Variants in ALDH1A2 observed in about 807,000 individuals in gnomAD.
The protein encoded by ALDH1A2 is aldehyde dehydrogenase 1 family member A2, also known as retinal dehydrogenase 2.
In ALDH1A2, 27 loss-of-function variants were observed where a neutral mutation model predicts 60.3. That is an observed-to-expected ratio of 0.45 (90% CI 0.33 to 0.62). The LOEUF is 0.62. ALDH1A2 is among the 20% of genes least tolerant of loss of function. ALDH1A2 has a pLI of 0.02. For missense variants in ALDH1A2, 581 were observed against 643.8 expected (o/e 0.90, Z 1.06); for synonymous variants, 289 against 232.4 (o/e 1.24, Z -2.21).
In ALDH1A2 at chr15:58,057,087, C is replaced by G. The variant is rs374609766; in HGVS notation, c.117+8447G>C. On this transcript the variant is annotated intron_variant, in intron 1 of 12. Transcript: ENST00000249750. ...CTTTTAGGTATACATCCTAGATGCTCTCTCACCAGGTATATGAGGAGACAT... is the reference window on the plus strand; with the variant it reads ...CTTTTAGGTATACATCCTAGATGCTGTCTCACCAGGTATATGAGGAGACAT... Among the ~76,000 whole-genome samples, 5 of 152,212 alleles carry G rather than the reference C, an allele frequency of 3.3e-5. No homozygotes were observed. The South Asian group carries it at 1.0e-3, about 32-fold the overall frequency.
intron 5 of ALDH1A2, among the ~76,000 whole-genome samples, chr15:57,993,426 G>C (rs1378799920): frequency 5.3e-5 from 8 of 151,938 alleles, no homozygotes; most frequent in African/African-American, 1.9e-4. Context: ...AACTTTTCTT[G>C]CATCTGAGAT....
intron 4 of ALDH1A2, among the ~76,000 whole-genome samples, chr15:58,003,363 C>T (rs2140504867): frequency 6.6e-6 from 1 of 151,960 alleles, no homozygotes; most frequent in East Asian, 1.9e-4. Flanking sequence ...TTGTTAATGA[C>T]AGTAAACCAG....
At chr15:57,960,879 T>C (rs747112431) in intron 11 of ALDH1A2, 35 bp from the exon 12 acceptor site, 1 of 1,589,450 alleles carries the variant, frequency 6.3e-7, no homozygotes, top group Non-Finnish European at 8.6e-7. Flanking sequence ...TGAGTTCGTG[T>C]GAAGTCTGAG....
intron 1 of ALDH1A2, among the ~76,000 whole-genome samples, chr15:58,020,290 T>C (rs1411991524): frequency 1.3e-5 from 2 of 152,206 alleles, no homozygotes; most frequent in African/African-American, 4.8e-5. Flanking sequence ...TACGTGTGCA[T>C]GTATCTTTAT....
Position 57,961,931 on chromosome 15 carries a change from A to T in ALDH1A2, c.1251+81T>A, listed in dbSNP as rs1359564332. 7 of 1,550,402 alleles carry T rather than the reference A, an allele frequency of 4.5e-6. No individual in the cohort carries two copies. In the African/African-American group the frequency reaches 6.8e-5, roughly 15 times the overall value. On this transcript the variant is annotated intron_variant, in intron 10 of 12. Coordinates refer to ENST00000249750, the MANE Select transcript of ALDH1A2 (RefSeq NM_003888.4). The stretch of plus-strand genomic sequence containing the variant: ...TATATGTAAAATATAAAGAGCTAAA[A>T]CTCTAATATCATCCACTAGAAATGC...
At chr15:57,964,195 G>A (rs1331888107) in intron 8 of ALDH1A2, 126 bp from the exon 9 acceptor site, 2 of 981,258 alleles carry the variant, frequency 2.0e-6, no homozygotes, top group East Asian at 2.6e-5. Context: ...ACCATGAATA[G>A]CCCTGGATTG....
intron 7 of ALDH1A2, among the ~76,000 whole-genome samples, chr15:57,970,558 C>A (rs1286447227): frequency 6.6e-6 from 1 of 152,106 alleles, no homozygotes; most frequent in African/African-American, 2.4e-5. Context: ...TTATACAGGA[C>A]AAAAAGGAAC....
chr15:57,955,380 G>A, intron 12 of ALDH1A2, 111 bp from the exon 13 acceptor site: 1 of 1,103,536 alleles, frequency 9.1e-7, no homozygotes, highest in Non-Finnish European at 1.4e-6. Context: ...AGCAAGTCCT[G>A]GGATGTTCAT....
chr15:57,957,805 G>A (rs566118652), intron 12 of ALDH1A2, among the ~76,000 whole-genome samples: 7 of 152,232 alleles, frequency 4.6e-5, no homozygotes, highest in Admixed American at 1.3e-4. Context: ...TTCTGTTTAG[G>A]GTATATATTT....
chr15:57,989,051 C>A (rs894015786), intron 7 of ALDH1A2, among the ~76,000 whole-genome samples: 2 of 152,138 alleles, frequency 1.3e-5, no homozygotes, highest in Non-Finnish European at 2.9e-5. Flanking sequence ...GCCTGTAGTC[C>A]CAGCTACGAA....
chr15:58,026,494 C>T (rs972045859), intron 1 of ALDH1A2, among the ~76,000 whole-genome samples: 16 of 152,254 alleles, frequency 1.1e-4, no homozygotes, highest in African/African-American at 2.4e-4. Flanking sequence ...CTAAGGTACC[C>T]GGTTCATTTC....
At chr15:57,964,853 C>T (rs944233676) in intron 8 of ALDH1A2, 3 of 152,240 alleles carry the variant, frequency 2.0e-5, no homozygotes, top group Non-Finnish European at 4.4e-5. Context: ...TCAAGAGGAA[C>T]AGGCATAAGG....
At chr15:57,959,253 C>T (rs1409554061) in intron 12 of ALDH1A2, among the ~76,000 whole-genome samples, 1 of 152,136 alleles carries the variant, frequency 6.6e-6, no homozygotes, top group African/African-American at 2.4e-5. Context: ...ATTTCAGAGA[C>T]TGGGAGAGCA....
intron 12 of ALDH1A2, among the ~76,000 whole-genome samples, chr15:57,958,214 G>GCACACACACACA (rs113322985): frequency 0.017 from 2,577 of 151,808 alleles, 50 homozygotes; most frequent in African/African-American, 0.043. Context: ...GTACACGCAC[G>GCACACACACACA]CACACACACA....
chr15:57,960,855 A>AAAAC lies in ALDH1A2; in HGVS notation c.1410-15_1410-12dup. On this transcript the variant is annotated splice_polypyrimidine_tract_variant and intron_variant, in intron 11 of 12. Coordinates refer to ENST00000249750, the MANE Select transcript of ALDH1A2 (RefSeq NM_003888.4). ...TTGTAACAATTGATCCTGAAAGAAG[A>AAAAC]AAACATAGCACTGTGAGTTCGTGTG... The AAAAC allele has an allele frequency of 6.2e-7, 1 of 1,612,606 alleles. No individual in the cohort carries two copies. The highest frequency in any genetic ancestry group is 8.5e-7 in the Non-Finnish European group (1 of 1,178,598).
chr15:57,958,963 G>A (rs554340014), intron 12 of ALDH1A2, among the ~76,000 whole-genome samples: 1 of 151,994 alleles, frequency 6.6e-6, no homozygotes, highest in African/African-American at 2.4e-5. Context: ...ATGGTTCTTC[G>A]GTCTCTTGAG....
chr15:57,971,630 G>T (rs748257210), intron 7 of ALDH1A2, among the ~76,000 whole-genome samples: 4 of 152,038 alleles, frequency 2.6e-5, no homozygotes, highest in Non-Finnish European at 5.9e-5. Flanking sequence ...TCACTATGTT[G>T]ACCAGGTGGT....
intron 1 of ALDH1A2, among the ~76,000 whole-genome samples, chr15:58,018,678 T>TG (rs1198796332): frequency 1.3e-5 from 2 of 152,150 alleles, no homozygotes; most frequent in African/African-American, 4.8e-5. Flanking sequence ...ATTGATATCA[T>TG]GTGCAGCTGA....
intron 7 of ALDH1A2, among the ~76,000 whole-genome samples, chr15:57,987,877 C>A (rs1335948075): frequency 8.0e-6 from 1 of 125,786 alleles, no homozygotes; most frequent in Non-Finnish European, 1.8e-5. Context: ...TGAGGCTGAC[C>A]CCTCAAAAAA....
Sources: gnomAD v4.1 joint callset for allele counts (sites outside exome capture counted in the v4.1 genomes callset) on GRCh38, gnomAD v4.1.1 for gene constraint, MANE v1.5 for transcripts, NCBI Gene and HGNC (gene_info 2026-07-23, HGNC 2026-07-21) for gene names.